CCDC92: variants seen among roughly 807,000 people sequenced by gnomAD.
CCDC92 encodes the protein coiled-coil domain-containing protein 92.
A neutral mutation model predicts 24.9 loss-of-function variants in CCDC92; 12 were observed. The observed-to-expected ratio is 0.48, with a 90% CI of 0.31 to 0.78. The LOEUF is 0.78. Among genes scored for constraint, CCDC92 ranks in the 30% least tolerant of loss-of-function variants. The probability of loss-of-function intolerance (pLI) is 0.05; values close to 1 mark genes in which losing one functional copy is unlikely to be tolerated. For synonymous variants in CCDC92, 193 were observed against 196.3 expected, an observed-to-expected ratio of 0.98 and a Z score of 0.14; for missense variants, 399 against 439.4, an observed-to-expected ratio of 0.91 and a Z score of 0.82.
intron 1 of CCDC92, among the ~76,000 whole-genome samples, chr12:123,953,836 A>G (rs1304139108): frequency 7.9e-5 from 12 of 151,672 alleles, no homozygotes; most frequent in Non-Finnish European, 1.8e-4. Context: ...TCCGCCTGTA[A>G]TCCCAGCTAC....
At chr12:123,964,660 G>A (rs1266116291) in intron 1 of CCDC92, among the ~76,000 whole-genome samples, 1 of 152,198 alleles carries the variant, frequency 6.6e-6, no homozygotes, top group Non-Finnish European at 1.5e-5. Flanking sequence ...TTACAGAACA[G>A]CTCAATGACT....
chr12:123,972,501 A>G (rs1486954745), intron 1 of CCDC92, 28 bp downstream of exon 1: 2 of 150,074 alleles, frequency 1.3e-5, no homozygotes, highest in South Asian at 4.1e-4. Context: ...GCGGGGCCGG[A>G]CTCGACACAC....
intron 1 of CCDC92, chr12:123,966,591 C>G (rs1244180873): frequency 6.6e-6 from 1 of 152,204 alleles, no homozygotes; most frequent in Admixed American, 6.5e-5. Flanking sequence ...TGCTACTAAC[C>G]TGCCGAGGAT....
intron 1 of CCDC92, among the ~76,000 whole-genome samples, chr12:123,965,595 T>C (rs1037008768): frequency 6.6e-6 from 1 of 152,118 alleles, no homozygotes; most frequent in Non-Finnish European, 1.5e-5. Flanking sequence ...AGGTTATCTA[T>C]GGTCAGTCAT....
At chr12:123,940,620 G>GGT (rs1415128409) in intron 4 of CCDC92, among the ~76,000 whole-genome samples, 2 of 152,114 alleles carry the variant, frequency 1.3e-5, no homozygotes, top group Non-Finnish European at 2.9e-5. Flanking sequence ...TCCTCTGTAC[G>GGT]TACCCCCTTT....
chr12:123,956,320 TTTTG>T (rs1213875932), intron 1 of CCDC92: 2 of 152,226 alleles, frequency 1.3e-5, no homozygotes, highest in African/African-American at 2.4e-5. Context: ...TTTTTTTCTG[TTTTG>T]TTTTTTGATG....
intron 1 of CCDC92, among the ~76,000 whole-genome samples, chr12:123,951,422 C>T (rs867072268): frequency 6.6e-6 from 1 of 152,178 alleles, no homozygotes; most frequent in Non-Finnish European, 1.5e-5. Context: ...CAAACGTTAT[C>T]TTTTAGTTGA....
intron 1 of CCDC92, among the ~76,000 whole-genome samples, chr12:123,963,033 C>A (rs997835425): frequency 1.2e-4 from 19 of 152,252 alleles, no homozygotes; most frequent in African/African-American, 4.3e-4. Context: ...CAGGGGGCAT[C>A]TGGCGATGTC....
chr12:123,939,475 G>GT lies in CCDC92; in HGVS notation c.224-1646dup, dbSNP rs150559166. On this transcript the variant is annotated intron_variant, in intron 4 of 4. Transcript: ENST00000238156. ...AAATCCAATGTAAGTTGAAAATACC[G>GT]TAAGTCAAAAGTGTGTTTTCGATAT... is the stretch of plus-strand genomic sequence containing the variant. Among the ~76,000 whole-genome samples, 9 of 152,268 alleles carry GT rather than the reference G, an allele frequency of 5.9e-5. 1 individual carries two copies. Among genetic ancestry groups the GT allele is most frequent in the Admixed American group, 2.0e-4 (3 of 15,302 alleles).
At position 123,937,245 on chromosome 12, in the gene CCDC92, G is replaced by C; in HGVS notation, c.809C>G (p.Ser270Cys). 6.2e-7 allele frequency: 1 copy of C among 1,611,052 alleles called. No homozygotes were observed. Among genetic ancestry groups the C allele is most frequent in the Non-Finnish European group, 8.5e-7 (1 of 1,179,722 alleles). The change falls in exon 5 of 5, where the codon TCC becomes TGC. Residue 270 changes from serine to cysteine, a missense_variant. Physicochemically the swap from Ser to Cys is moderately radical, Grantham distance 112 (BLOSUM62 -1). Transcript: ENST00000238156. The surrounding 1 kb of genome is among the most constrained non-coding windows in gnomAD (Gnocchi z 8.4). ...ERPLVIPPIA[S>C]DRSGEQHSPA... ...GCTGTGCTGCTCGCCGCTTCGGTCGGAGGCGATGGGGGGGATGACGAGGGG... is the reference window on the plus strand; with the variant it reads ...GCTGTGCTGCTCGCCGCTTCGGTCGCAGGCGATGGGGGGGATGACGAGGGG...
In CCDC92 at chr12:123,936,746, T is replaced by C; in HGVS notation, c.*312A>G. Reference sequence around the variant, plus strand: ...GAATTAGGTGTGTGACTGTGTGGCATCGTGAACATCAGTAGTGACGCAGCC... The same window carrying C: ...GAATTAGGTGTGTGACTGTGTGGCACCGTGAACATCAGTAGTGACGCAGCC... On this transcript the variant is annotated 3_prime_UTR_variant, in exon 5 of 5. Transcript: ENST00000238156. 2.0e-6 allele frequency: 1 copy of C among 495,842 alleles called. No homozygotes were observed. Among genetic ancestry groups the C allele is most frequent in the Non-Finnish European group, 3.6e-6 (1 of 277,766 alleles). 30.7% of individuals were successfully genotyped at this position (495,842 alleles called of 1,614,324 possible).
intron 1 of CCDC92, among the ~76,000 whole-genome samples, chr12:123,961,689 C>G (rs889163178): frequency 6.6e-6 from 1 of 152,140 alleles, no homozygotes; most frequent in East Asian, 1.9e-4. Context: ...ACTGCAGTAG[C>G]GACACAGCCT....
At chr12:123,959,600 C>A (rs890079549) in intron 1 of CCDC92, among the ~76,000 whole-genome samples, 1 of 152,148 alleles carries the variant, frequency 6.6e-6, no homozygotes, top group Non-Finnish European at 1.5e-5. Context: ...CCACCGCATG[C>A]GGCCTTAGGT....
At chr12:123,938,378 C>T (rs1209818318) in intron 4 of CCDC92, among the ~76,000 whole-genome samples, 1 of 152,162 alleles carries the variant, frequency 6.6e-6, no homozygotes, top group Admixed American at 6.5e-5. Context: ...CTCTTTCCCA[C>T]TTCCTGCTCA....
At chr12:123,960,087 T>C (rs1352206656) in intron 1 of CCDC92, among the ~76,000 whole-genome samples, 1 of 152,260 alleles carries the variant, frequency 6.6e-6, no homozygotes, top group African/African-American at 2.4e-5. Flanking sequence ...CGCTTATTTA[T>C]CTTTCTTACC....
In CCDC92 at chr12:123,944,317, GA is replaced by G. The variant is rs1955781716; in HGVS notation, c.-13del. ...TGTGGTGAAGTCATGGGTCTTTCTGGAAAAGCTACCAGAGTAATTCAAGACG... is the reference window on the plus strand; with the variant it reads ...TGTGGTGAAGTCATGGGTCTTTCTGGAAAGCTACCAGAGTAATTCAAGACG... On this transcript the variant is annotated 5_prime_UTR_variant, in exon 2 of 5. Transcript: ENST00000238156. 1 of 1,576,734 alleles carries G rather than the reference GA, an allele frequency of 6.3e-7. No individual in the cohort carries two copies. Among genetic ancestry groups the G allele is most frequent in the Admixed American group, 2.0e-5 (1 of 50,216 alleles).
intron 4 of CCDC92, among the ~76,000 whole-genome samples, chr12:123,942,026 C>T (rs560692642): frequency 2.0e-3 from 307 of 152,342 alleles, no homozygotes; most frequent in Admixed American, 3.2e-3. Flanking sequence ...ATTGCCTTCC[C>T]GACGTGATAA....
chr12:123,935,721 G>A lies in CCDC92; in HGVS notation c.*1337C>T. The stretch of plus-strand genomic sequence containing the variant: ...AAGTAAATATTGGAGAGTATTTTAA[G>A]ATGTGTGGAGTTTTCTTTTCCTTCT... On this transcript the variant is annotated 3_prime_UTR_variant, in exon 5 of 5. Transcript: ENST00000238156. The A allele has an allele frequency of 2.5e-6, 1 of 407,700 alleles. No homozygotes were observed. The highest frequency in any genetic ancestry group is 3.7e-5 in the East Asian group (1 of 27,188). 25.3% of individuals were successfully genotyped at this position (407,700 alleles called of 1,614,324 possible). A position where few individuals can be genotyped will look rare whatever the true frequency, so the allele number is the denominator to read the frequency against.
intron 1 of CCDC92, among the ~76,000 whole-genome samples, chr12:123,965,536 A>C (rs2138188284): frequency 6.6e-6 from 1 of 152,122 alleles, no homozygotes; most frequent in African/African-American, 2.4e-5. Flanking sequence ...CATGTAACCC[A>C]TGTTGGGCTG....
Sources: gnomAD v4.1 joint callset for allele counts (sites outside exome capture counted in the v4.1 genomes callset) on GRCh38, gnomAD v4.1.1 for gene constraint, Gnocchi (gnomAD v3.1) non-coding constraint, MANE v1.5 for transcripts, NCBI Gene and HGNC (gene_info 2026-07-23, HGNC 2026-07-21) for gene names.